The following CCNF variants were observed in gnomAD, a reference collection of about 807,000 sequenced individuals.
CCNF encodes the protein cyclin F.
In CCNF, 30 loss-of-function variants were observed where a neutral mutation model predicts 85.4. The observed-to-expected ratio is 0.35, with a 90% CI of 0.26 to 0.48. The LOEUF (loss-of-function observed/expected upper bound fraction) is 0.48. Among genes scored for constraint, CCNF ranks in the 20% least tolerant of loss-of-function variants. The pLI is 0.99. For missense variants in CCNF, 919 were observed against 1,010.4 expected, an observed-to-expected ratio of 0.91 and a Z score of 1.23; for synonymous variants, 439 against 425.1, an observed-to-expected ratio of 1.03 and a Z score of -0.40.
At chr16:2,449,776 A>ATCCTCTCCG (rs2141827469) in intron 12 of CCNF, 52 bp from the exon 13 acceptor site, 3 of 383,530 alleles carry the variant, frequency 7.8e-6, no homozygotes, top group Non-Finnish European at 1.3e-5. Context: ...CGTCCCCTCC[A>ATCCTCTCCG]TCCCCTCCGT....
At position 2,438,021 on chromosome 16, in the gene CCNF, G is replaced by A. The variant is rs200658437; in HGVS notation, c.541-49G>A. 2.2e-3 allele frequency: 2,941 copies of A among 1,317,638 alleles called. 4 individuals carry two copies. Among genetic ancestry groups the A allele is most frequent in the Non-Finnish European group, 3.1e-3 (2,796 of 909,938 alleles). The allele number at this position is 1,317,638 out of a possible 1,614,324, so 81.6% of individuals were successfully genotyped here. On this transcript the variant is annotated intron_variant, in intron 5 of 16. Transcript: ENST00000397066. The stretch of plus-strand genomic sequence containing the variant: ...GACAGACAAGGGAGTGGTGGCCCCC[G>A]GGCAGTTCTCTGTGCTGGAAATCAC...
chr16:2,435,957 A>G, intron 4 of CCNF, 84 bp downstream of exon 4: 1 of 971,446 alleles, frequency 1.0e-6, no homozygotes, highest in Non-Finnish European at 1.6e-6. Context: ...CCGTGTTAGC[A>G]GTTCAGTTGC....
rs759052794 is a variant in CCNF at position 2,445,574 on chromosome 16, G to A, written c.1046G>A (p.Arg349Gln). 22 of 1,613,802 alleles carry A rather than the reference G, an allele frequency of 1.4e-5. No individual in the cohort carries two copies. Among genetic ancestry groups the A allele is most frequent in the Non-Finnish European group, 1.8e-5 (21 of 1,180,022 alleles). ...DRYLRRRLVP[R>Q]YRLQLLGIAC... ...TACCTGCGGAGGAGGCTGGTGCCGC[G>A]GTACAGGCTCCAGCTGCTGGGCATC... The change falls in exon 10 of 17, where the codon CGG (arginine) becomes CAG (glutamine). Residue 349 changes from arginine (R) to glutamine (Q), a missense_variant. Arg to Gln is a conservative substitution (Grantham distance 43). Transcript: ENST00000397066.
At chr16:2,445,840 G>C (rs547727949) in intron 10 of CCNF, among the ~76,000 whole-genome samples, 2 of 151,000 alleles carry the variant, frequency 1.3e-5, no homozygotes, top group East Asian at 3.9e-4. Context: ...TGATTCTTCT[G>C]CCTCAGCCTC....
Position 2,456,815 on chromosome 16 carries a change from G to T in CCNF, c.2156G>T (p.Gly719Val), listed in dbSNP as rs768922579. Residue 719 changes from glycine (G) to valine (V), a missense_variant, in exon 17 of 17, where the codon GGG becomes GTG. Physicochemically the swap from Gly to Val is moderately radical, Grantham distance 109. Coordinates refer to ENST00000397066, the MANE Select transcript of CCNF (RefSeq NM_001761.3). This position sits in a 1 kb window ranked among gnomAD's most constrained non-coding sequence, Gnocchi z 4.5. ...ACAAGCTCCGTGGACGGTGGCTTGG[G>T]GGCCCTGCCCCAACCTACCTCAGTG... ...SPTSSVDGGL[G>V]ALPQPTSVLS... The T allele has an allele frequency of 1.7e-5, 27 of 1,613,778 alleles. No homozygotes were observed. The highest frequency in any genetic ancestry group is 2.3e-5 in the Non-Finnish European group (27 of 1,179,982).
At chr16:2,434,626 G>A (rs980896201) in intron 3 of CCNF, among the ~76,000 whole-genome samples, 8 of 152,068 alleles carry the variant, frequency 5.3e-5, no homozygotes, top group Admixed American at 5.2e-4. Flanking sequence ...AAATAAATAA[G>A]TAAATAAATA....
At chr16:2,446,481 C>T (rs1047811125) in intron 10 of CCNF, among the ~76,000 whole-genome samples, 3 of 152,222 alleles carry the variant, frequency 2.0e-5, no homozygotes, top group Admixed American at 2.0e-4. Flanking sequence ...CACTGCTTTC[C>T]TTTAACTAAT....
Position 2,456,361 on chromosome 16 carries a change from T to C in CCNF, c.1886-184T>C. Reference sequence around the variant, plus strand: ...GTCATCTCCACATTTGTTGGAGTCATGGCGGGCAGCTGTCCAACTTGGAAG... The same window carrying C: ...GTCATCTCCACATTTGTTGGAGTCACGGCGGGCAGCTGTCCAACTTGGAAG... On this transcript the variant is annotated intron_variant, in intron 16 of 16. Coordinates refer to ENST00000397066, the MANE Select transcript of CCNF (RefSeq NM_001761.3). This position sits in a 1 kb window ranked among gnomAD's most constrained non-coding sequence, Gnocchi z 4.5. The C allele has an allele frequency of 2.1e-6, 1 of 479,526 alleles. No homozygotes were observed. Among genetic ancestry groups the C allele is most frequent in the Non-Finnish European group, 3.6e-6 (1 of 274,330 alleles). 29.7% of individuals were successfully genotyped at this position (479,526 alleles called of 1,614,324 possible).
chr16:2,433,093 CAGTCTTCT>C, intron 3 of CCNF, 26 bp downstream of exon 3: 1 of 1,459,640 alleles, frequency 6.9e-7, no homozygotes, highest in Non-Finnish European at 9.6e-7. Flanking sequence ...GAGAATGGCT[CAGTCTTCT>C]CCTGCCTTGG....
intron 10 of CCNF, among the ~76,000 whole-genome samples, chr16:2,447,414 C>A (rs1007453177): frequency 1.3e-5 from 2 of 151,874 alleles, no homozygotes; most frequent in African/African-American, 4.8e-5. Context: ...GAAACCCTGT[C>A]TCTACTAAAG....
At position 2,453,128 on chromosome 16, in the gene CCNF, C is replaced by A; in HGVS notation, c.1488-82C>A. ...CAGAGTGACTGCACCATTTTGCATTCTCATTGCTCACTTCAGTGAACTGAA... is the reference window on the plus strand; with the variant it reads ...CAGAGTGACTGCACCATTTTGCATTATCATTGCTCACTTCAGTGAACTGAA... On this transcript the variant is annotated intron_variant, in intron 13 of 16. Coordinates refer to ENST00000397066, the MANE Select transcript of CCNF (RefSeq NM_001761.3). The surrounding 1 kb of genome is among the most constrained non-coding windows in gnomAD (Gnocchi z 5.6). The A allele has an allele frequency of 8.3e-7, 1 of 1,204,952 alleles. No homozygotes were observed. Among genetic ancestry groups the A allele is most frequent in the Non-Finnish European group, 1.2e-6 (1 of 812,432 alleles). 74.6% of individuals were successfully genotyped at this position (1,204,952 alleles called of 1,614,324 possible).
At chr16:2,432,794 T>G (rs2065269295) in intron 2 of CCNF, among the ~76,000 whole-genome samples, 167 bp from the exon 3 acceptor site, 1 of 152,190 alleles carries the variant, frequency 6.6e-6, no homozygotes, top group Non-Finnish European at 1.5e-5. Flanking sequence ...CTCTTTTATC[T>G]GCTCAAAGTG....
intron 8 of CCNF, among the ~76,000 whole-genome samples, chr16:2,442,099 G>C (rs1434358475): frequency 6.9e-6 from 1 of 145,508 alleles, no homozygotes; most frequent in Non-Finnish European, 1.5e-5. Context: ...TCCGCCTCCT[G>C]GGTTCATGCC....
In CCNF at chr16:2,449,434, G is replaced by A; in HGVS notation, c.1371G>A (p.Leu457=). The A allele has an allele frequency of 6.2e-7, 1 of 1,608,086 alleles. No individual in the cohort carries two copies. Among genetic ancestry groups the A allele is most frequent in the East Asian group, 2.2e-5 (1 of 44,876 alleles). Residue 457 remains leucine (L), a synonymous_variant, in exon 12 of 17, where the codon CTG becomes CTA. Coordinates refer to ENST00000397066, the MANE Select transcript of CCNF (RefSeq NM_001761.3). The part of the protein sequence containing the change: ...YAPARLAAAA[L]LLARLTHGQT... ...CAGCCCGCCTGGCTGCCGCAGCCCT[G>A]CTCCTGGCCAGACTGACGCACGGGC... is the stretch of plus-strand genomic sequence containing the variant.
At position 2,455,540 on chromosome 16, in the gene CCNF, AGT is replaced by A; in HGVS notation, c.1863_1864del (p.Ser621ArgfsTer34). ...CTCTGGCTATGAAGGCGACCAGGAG[AGT>A]GAGGGCGAGAAGGAGGGCGACGGTG... Reference protein sequence around the residue: ...CCSGYEGDQESEGEKEGDVTA... With the variant: ...CCSGYEGDQEXEGEKEGDVTA... On this transcript the variant is annotated frameshift_variant, in exon 16 of 17. Coordinates refer to ENST00000397066, the MANE Select transcript of CCNF (RefSeq NM_001761.3). LOFTEE classifies it low-confidence loss of function (END_TRUNC). 6.3e-7 allele frequency: 1 copy of A among 1,599,862 alleles called. No individual in the cohort carries two copies. Among genetic ancestry groups the A allele is most frequent in the Non-Finnish European group, 8.6e-7 (1 of 1,168,612 alleles).
chr16:2,451,055 G>C lies in CCNF; in HGVS notation c.1487+1140G>C, dbSNP rs370108585. Among the ~76,000 whole-genome samples, 856 of 152,296 alleles carry C rather than the reference G, an allele frequency of 5.6e-3. 11 individuals are homozygous for C. The highest frequency in any genetic ancestry group is 0.02 in the African/African-American group (822 of 41,560). On this transcript the variant is annotated intron_variant, in intron 13 of 16. Transcript: ENST00000397066. This position sits in a 1 kb window ranked among gnomAD's most constrained non-coding sequence, Gnocchi z 4.3. ...CCCTTCTCTCTGGTGAGCCTGGCCC[G>C]GCCCTCGCCACATCTAAGCCCCTTC... is the stretch of plus-strand genomic sequence containing the variant.
rs1218910785 is a variant in CCNF at position 2,452,026 on chromosome 16, G to A, written c.1488-1184G>A. 2.6e-5 allele frequency among the ~76,000 whole-genome samples: 4 copies of A among 152,208 alleles called. No individual in the cohort carries two copies. In the South Asian group the frequency reaches 6.2e-4, roughly 24 times the overall value. ...TGCCCAGCTGAGGCCTCCACCAGCC[G>A]CTGCTGCTTCTCCATCCCTGCATCC... On this transcript the variant is annotated intron_variant, in intron 13 of 16. Transcript: ENST00000397066. This position sits in a 1 kb window ranked among gnomAD's most constrained non-coding sequence, Gnocchi z 4.1.
chr16:2,443,979 G>A (rs1301415446), intron 9 of CCNF, among the ~76,000 whole-genome samples, 179 bp downstream of exon 9: 3 of 151,794 alleles, frequency 2.0e-5, no homozygotes, highest in African/African-American at 4.8e-5. Flanking sequence ...GAGTGCAGTG[G>A]CGCGATCTCA....
chr16:2,436,183 G>T, intron 4 of CCNF: 1 of 257,000 alleles, frequency 3.9e-6, no homozygotes, highest in Non-Finnish European at 7.6e-6. Context: ...TGTGCGCCAT[G>T]AGCACGCAGA....
Sources: gnomAD v4.1 joint callset for allele counts (sites outside exome capture counted in the v4.1 genomes callset) on GRCh38, gnomAD v4.1.1 for gene constraint, Gnocchi (gnomAD v3.1) non-coding constraint, MANE v1.5 for transcripts, NCBI Gene and HGNC (gene_info 2026-07-23, HGNC 2026-07-21) for gene names.